Variants in RIN2 observed in about 807,000 individuals in gnomAD.
RIN2 encodes RAB5 interacting protein 2.
RIN2 carries 36 observed loss-of-function variants against 78.0 expected under a neutral mutation model. The ratio of observed to expected loss-of-function variants is 0.46; its 90% CI spans 0.35 to 0.61. The LOEUF (loss-of-function observed/expected upper bound fraction) is 0.61. Ranked by LOEUF, RIN2 falls within the 20% of genes least tolerant of loss-of-function variation. RIN2 has a pLI of 0.00. For missense variants in RIN2, 1,087 were observed against 1,159.7 expected (o/e 0.94, Z 0.91); for synonymous variants, 466 against 466.8 (o/e 1.00, Z 0.02).
At chr20:19,941,722 AC>A (rs1475989321) in intron 4 of RIN2, among the ~76,000 whole-genome samples, 1 of 152,136 alleles carries the variant, frequency 6.6e-6, no homozygotes, top group South Asian at 2.1e-4. Flanking sequence ...TTTCAACTCA[AC>A]CAGGAGTGTC....
intron 5 of RIN2, among the ~76,000 whole-genome samples, chr20:19,958,986 G>A (rs1298932149): frequency 6.6e-6 from 1 of 152,212 alleles, no homozygotes; most frequent in Non-Finnish European, 1.5e-5. Flanking sequence ...GGCTCTTGGG[G>A]TGCCCATCCT....
intron 2 of RIN2, among the ~76,000 whole-genome samples, chr20:19,870,120 C>T (rs2037645086): frequency 6.6e-6 from 1 of 152,134 alleles, no homozygotes; most frequent in African/African-American, 2.4e-5. Context: ...TCACCACTTA[C>T]TGCACCAGTA....
chr20:20,000,848 A>G lies in RIN2; in HGVS notation c.2600A>G (p.His867Arg). Residue 867 changes from histidine (H) to arginine (R), a missense_variant, in exon 13 of 13, where the codon CAC becomes CGC. Coordinates refer to ENST00000255006, the MANE Select transcript of RIN2 (RefSeq NM_018993.4). ...KAELHSRPQP[H>R]IFHFVYKRIK... ...GAGCTGCACAGCCGACCACAGCCCCACATCTTCCACTTTGTCTACAAACGC... is the reference window on the plus strand; with the variant it reads ...GAGCTGCACAGCCGACCACAGCCCCGCATCTTCCACTTTGTCTACAAACGC... The G allele has an allele frequency of 1.9e-6, 3 of 1,613,952 alleles. No homozygotes were observed. The highest frequency in any genetic ancestry group is 2.5e-6 in the Non-Finnish European group (3 of 1,179,896).
intron 3 of RIN2, among the ~76,000 whole-genome samples, chr20:19,901,875 G>A (rs1192174544): frequency 6.6e-6 from 1 of 151,886 alleles, no homozygotes; most frequent in African/African-American, 2.4e-5. Context: ...AAATTAGCCG[G>A]GTGTGGTGCA....
At chr20:19,758,464 G>A (rs2033474442) in intron 1 of RIN2, 137 bp downstream of exon 1, 1 of 152,442 alleles carries the variant, frequency 6.6e-6, no homozygotes, top group South Asian at 2.1e-4. Context: ...TACTCCGGAG[G>A]GGACTTGAGG....
intron 3 of RIN2, among the ~76,000 whole-genome samples, chr20:19,910,630 G>A (rs548234870): frequency 1.0e-3 from 148 of 148,320 alleles, no homozygotes; most frequent in Non-Finnish European, 1.4e-3. Context: ...GTGCAGTGGC[G>A]CAGTCTCGGC....
chr20:19,827,975 AC>A (rs1387035431), intron 2 of RIN2, among the ~76,000 whole-genome samples: 2 of 152,104 alleles, frequency 1.3e-5, no homozygotes, highest in African/African-American at 4.8e-5. Flanking sequence ...TGTTTGGGGT[AC>A]ACTTAAGCCT....
At chr20:19,795,041 T>G (rs1467380371) in intron 1 of RIN2, among the ~76,000 whole-genome samples, 4 of 152,242 alleles carry the variant, frequency 2.6e-5, no homozygotes, top group Non-Finnish European at 5.9e-5. Flanking sequence ...ACAACCCTGT[T>G]AAAGTTCAAT....
intron 3 of RIN2, among the ~76,000 whole-genome samples, chr20:19,910,811 G>A (rs1045456724): frequency 2.0e-5 from 3 of 151,818 alleles, no homozygotes; most frequent in South Asian, 2.1e-4. Flanking sequence ...CAAGTGATCC[G>A]CCTGCCTCGG....
intron 3 of RIN2, among the ~76,000 whole-genome samples, chr20:19,931,709 C>CT (rs57734791): frequency 0.01 from 1,281 of 128,100 alleles, 18 homozygotes; most frequent in African/African-American, 0.033. Context: ...CTCGATTTGC[C>CT]TTTTTTTTTT....
At chr20:19,774,024 G>A (rs2034226268) in intron 1 of RIN2, among the ~76,000 whole-genome samples, 1 of 151,910 alleles carries the variant, frequency 6.6e-6, no homozygotes, top group Admixed American at 6.6e-5. Context: ...GGAGCTTCCT[G>A]CATTCTGACC....
intron 1 of RIN2, among the ~76,000 whole-genome samples, chr20:19,776,723 C>A (rs2034323991): frequency 6.6e-6 from 1 of 150,384 alleles, no homozygotes; most frequent in South Asian, 2.1e-4. Context: ...CAGAGTGAGA[C>A]CCTGTCTCAA....
chr20:19,818,207 A>G (rs1019020123), intron 2 of RIN2, among the ~76,000 whole-genome samples: 4 of 152,134 alleles, frequency 2.6e-5, no homozygotes, highest in African/African-American at 7.2e-5. Flanking sequence ...ATTTTTTTTT[A>G]AATAGTACAC....
intron 1 of RIN2, among the ~76,000 whole-genome samples, chr20:19,796,742 T>C (rs2035067748): frequency 6.6e-6 from 1 of 152,174 alleles, no homozygotes; most frequent in African/African-American, 2.4e-5. Flanking sequence ...GCTTAAAGCT[T>C]CACAGGTGTG....
chr20:19,784,125 G>C (rs570621912), intron 1 of RIN2, among the ~76,000 whole-genome samples: 1 of 152,340 alleles, frequency 6.6e-6, no homozygotes, highest in African/African-American at 2.4e-5. Flanking sequence ...AAGGCAACTG[G>C]AAAATCACAT....
chr20:19,960,882 G>A (rs2041723680), intron 6 of RIN2, 71 bp downstream of exon 6: 3 of 953,822 alleles, frequency 3.1e-6, no homozygotes, highest in East Asian at 2.6e-5. Context: ...GGAAATGGAA[G>A]GAGCTCTGGT....
At chr20:19,788,267 G>A (rs1341740006) in intron 1 of RIN2, among the ~76,000 whole-genome samples, 1 of 151,810 alleles carries the variant, frequency 6.6e-6, no homozygotes, top group African/African-American at 2.4e-5. Flanking sequence ...AGGACACTAA[G>A]GCAAGAAAAA....
chr20:19,946,937 G>A (rs1197846984), intron 4 of RIN2, among the ~76,000 whole-genome samples: 3 of 149,226 alleles, frequency 2.0e-5, no homozygotes, highest in African/African-American at 7.4e-5. Flanking sequence ...AGGCTGAGGC[G>A]GGAGAATTGC....
intron 2 of RIN2, among the ~76,000 whole-genome samples, chr20:19,819,328 C>G (rs2035863121): frequency 6.6e-6 from 1 of 152,192 alleles, no homozygotes. Context: ...TCTGGTGTCT[C>G]TTCTTTGAGG....
Sources: allele counts gnomAD v4.1 joint callset (sites outside exome capture counted in the v4.1 genomes callset), GRCh38; gene constraint gnomAD v4.1.1; transcripts MANE v1.5; gene names NCBI Gene and HGNC (gene_info 2026-07-23, HGNC 2026-07-21).